Variants in AKT3 observed in about 807,000 individuals in gnomAD.
AKT3 encodes AKT serine/threonine kinase 3.
In AKT3, 15 loss-of-function variants were observed where a neutral mutation model predicts 65.3. That is an observed-to-expected ratio of 0.23 (90% CI 0.15 to 0.35). AKT3 has a LOEUF of 0.35. Ranked by LOEUF, AKT3 falls within the 10% of genes least tolerant of loss-of-function variation. The probability of loss-of-function intolerance (pLI) is 1.00; values close to 1 mark genes in which losing one functional copy is unlikely to be tolerated. For synonymous variants in AKT3, 206 were observed against 183.8 expected (o/e 1.12, Z -0.98); for missense variants, 243 against 576.5 (o/e 0.42, Z 5.92).
At chr1:243,529,366 G>T (rs1671369367) in intron 12 of AKT3, among the ~76,000 whole-genome samples, 1 of 152,006 alleles carries the variant, frequency 6.6e-6, no homozygotes, top group Non-Finnish European at 1.5e-5. Flanking sequence ...CTTTGCCAAG[G>T]TCTATGTCCA....
At chr1:243,710,731 A>T (rs1686093881) in intron 2 of AKT3, among the ~76,000 whole-genome samples, 2 of 152,234 alleles carry the variant, frequency 1.3e-5, no homozygotes, top group South Asian at 4.1e-4. Context: ...TGTCGACCAA[A>T]GCCATATCCT....
chr1:243,733,136 A>T (rs1456336882), intron 2 of AKT3, among the ~76,000 whole-genome samples: 2 of 152,332 alleles, frequency 1.3e-5, no homozygotes, highest in East Asian at 3.9e-4. Flanking sequence ...CCAGTTCAGG[A>T]CTTTTACTGG....
At chr1:243,832,120 T>TAAAAAAAAAAAAA (rs869235352) in intron 2 of AKT3, among the ~76,000 whole-genome samples, 4 of 44,756 alleles carry the variant, frequency 8.9e-5, no homozygotes, top group Non-Finnish European at 1.2e-4. Context: ...TCCCTAAAAC[T>TAAAAAAAAAAAAA]AAAAAAAAAA....
chr1:243,731,584 C>T (rs923706991), intron 2 of AKT3, among the ~76,000 whole-genome samples: 3 of 152,216 alleles, frequency 2.0e-5, no homozygotes, highest in African/African-American at 4.8e-5. Context: ...TTTTTAAACC[C>T]TCTTTATCCA....
chr1:243,760,420 C>T (rs1334255846), intron 2 of AKT3, among the ~76,000 whole-genome samples: 2 of 150,506 alleles, frequency 1.3e-5, no homozygotes, highest in Admixed American at 6.7e-5. Flanking sequence ...GCCACCATGC[C>T]CAACCCAAGG....
chr1:243,537,813 C>A (rs1374484130), intron 12 of AKT3, among the ~76,000 whole-genome samples: 1 of 152,194 alleles, frequency 6.6e-6, no homozygotes, highest in Non-Finnish European at 1.5e-5. Flanking sequence ...ATTCCCAGTT[C>A]CTCCAGTCAG....
At chr1:243,600,416 G>T (rs917245191) in intron 8 of AKT3, among the ~76,000 whole-genome samples, 2 of 152,124 alleles carry the variant, frequency 1.3e-5, no homozygotes, top group African/African-American at 4.8e-5. Flanking sequence ...TTATTCTAAA[G>T]TAAGTGTGTG....
intron 2 of AKT3, among the ~76,000 whole-genome samples, chr1:243,755,134 T>C (rs1689051580): frequency 6.6e-6 from 1 of 152,088 alleles, no homozygotes; most frequent in Non-Finnish European, 1.5e-5. Flanking sequence ...AGTGGCACAA[T>C]CTTGGCTCAC....
At chr1:243,843,754 C>T (rs1014806523) in intron 1 of AKT3, among the ~76,000 whole-genome samples, 11 of 151,552 alleles carry the variant, frequency 7.3e-5, no homozygotes, top group Non-Finnish European at 1.5e-4. Flanking sequence ...CAGGTTCAAG[C>T]GATTCTTCTG....
chr1:243,629,941 T>C (rs1679479970), intron 6 of AKT3, among the ~76,000 whole-genome samples: 1 of 152,134 alleles, frequency 6.6e-6, no homozygotes, highest in South Asian at 2.1e-4. Context: ...AGACTGCAGA[T>C]GACTATGGCA....
chr1:243,729,124 T>C (rs1687391782), intron 2 of AKT3, among the ~76,000 whole-genome samples: 1 of 151,910 alleles, frequency 6.6e-6, no homozygotes, highest in Admixed American at 6.5e-5. Flanking sequence ...TAAACTAGAG[T>C]TTAGGGCAGA....
At chr1:243,497,344 G>GA (rs1488909879), downstream of AKT3, among the ~76,000 whole-genome samples, 1 of 143,072 alleles carries the variant, frequency 7.0e-6, no homozygotes, top group African/African-American at 2.5e-5. Flanking sequence ...GGGTGGGGGG[G>GA]GGGGCGTTGA....
At chr1:243,842,640 T>C (rs1695316275) in intron 2 of AKT3, among the ~76,000 whole-genome samples, 1 of 152,204 alleles carries the variant, frequency 6.6e-6, no homozygotes, top group Non-Finnish European at 1.5e-5. Flanking sequence ...CGTCAGGACT[T>C]TACTTACCAA....
intron 5 of AKT3, among the ~76,000 whole-genome samples, chr1:243,642,234 T>C (rs1680446675): frequency 6.6e-6 from 1 of 152,264 alleles, no homozygotes. Flanking sequence ...TCTTTACAAA[T>C]GAAATGTACA....
intron 3 of AKT3, among the ~76,000 whole-genome samples, chr1:243,680,949 G>A (rs1442850506): frequency 6.6e-6 from 1 of 152,116 alleles, no homozygotes. Context: ...GACTAGTCTA[G>A]AGGCATGGAA....
intron 6 of AKT3, among the ~76,000 whole-genome samples, chr1:243,628,340 A>C (rs6660534): frequency 0.24 from 35,715 of 151,904 alleles, 4,524 homozygotes; most frequent in African/African-American, 0.32. Context: ...CTTTGTGTCA[A>C]CCAGGCTGAA....
chr1:243,500,603 G>GAGAA lies in AKT3; in HGVS notation c.*4642_*4645dup, dbSNP rs1389964673. 1 of 229,212 alleles carries GAGAA rather than the reference G, an allele frequency of 4.4e-6. No homozygotes were observed. The highest frequency in any genetic ancestry group is 5.7e-5 in the Admixed American group (1 of 17,626). 14.2% of individuals were successfully genotyped at this position (229,212 alleles called of 1,614,324 possible). The stretch of plus-strand genomic sequence containing the variant: ...ACACTGGACATACCGTGTTGTATCT[G>GAGAA]AGAATGACAAACACTAAAGGCAAGG... On this transcript the variant is annotated 3_prime_UTR_variant, in exon 14 of 14. Transcript: ENST00000673466.
chr1:243,584,515 A>G (rs1433308073), intron 8 of AKT3, among the ~76,000 whole-genome samples: 3 of 152,210 alleles, frequency 2.0e-5, no homozygotes, highest in Admixed American at 2.0e-4. Flanking sequence ...TATATCCCTG[A>G]TGAACACAGG....
intron 4 of AKT3, among the ~76,000 whole-genome samples, chr1:243,648,129 G>A (rs1224555428): frequency 1.3e-5 from 2 of 151,832 alleles, no homozygotes; most frequent in Non-Finnish European, 2.9e-5. Flanking sequence ...GTGCTGGCAG[G>A]AGCCTGTAAT....
Sources: gnomAD v4.1 joint callset for allele counts (sites outside exome capture counted in the v4.1 genomes callset) on GRCh38, gnomAD v4.1.1 for gene constraint, MANE v1.5 for transcripts, NCBI Gene and HGNC (gene_info 2026-07-23, HGNC 2026-07-21) for gene names.